The following MAD1L1 variants were observed in gnomAD, a reference collection of about 807,000 sequenced individuals.
MAD1L1 encodes the protein mitotic arrest deficient 1 like 1.
Under a neutral mutation model 96.9 loss-of-function variants are expected in MAD1L1, and 95 were observed. That is an observed-to-expected ratio of 0.98 (90% CI 0.83 to 1.16). The LOEUF (loss-of-function observed/expected upper bound fraction) is 1.16. MAD1L1 is among the 50% of genes most tolerant of loss of function. The pLI, the probability that MAD1L1 is intolerant of heterozygous loss-of-function variation, is 0.00. For synonymous variants in MAD1L1, 473 were observed against 396.6 expected, an observed-to-expected ratio of 1.19 and a Z score of -2.29; for missense variants, 1,007 against 954.4, an observed-to-expected ratio of 1.06 and a Z score of -0.73.
At chr7:2,062,524 G>A (rs779318030) in intron 12 of MAD1L1, among the ~76,000 whole-genome samples, 3 of 151,940 alleles carry the variant, frequency 2.0e-5, no homozygotes, top group Non-Finnish European at 4.4e-5. Flanking sequence ...GCAGTGAGCC[G>A]AGATCACGCG....
chr7:1,847,434 G>GT (rs1200429627), intron 18 of MAD1L1: 2 of 470,808 alleles, frequency 4.2e-6, no homozygotes, highest in South Asian at 3.1e-5. Flanking sequence ...GGAGACAGTG[G>GT]AGACCTCTAC....
intron 18 of MAD1L1, among the ~76,000 whole-genome samples, chr7:1,861,996 C>T (rs1784555913): frequency 6.6e-6 from 1 of 152,300 alleles, no homozygotes; most frequent in Admixed American, 6.5e-5. Context: ...AGAGCCCCAC[C>T]GCCATGCAGG....
chr7:2,123,283 C>T (rs536755801), intron 11 of MAD1L1, among the ~76,000 whole-genome samples: 41 of 142,584 alleles, frequency 2.9e-4, no homozygotes, highest in Admixed American at 1.0e-3. Flanking sequence ...CCAGCCTGGG[C>T]GACAGAGCGA....
intron 15 of MAD1L1, among the ~76,000 whole-genome samples, chr7:1,965,896 A>G (rs1336394348): frequency 6.6e-6 from 1 of 152,258 alleles, no homozygotes; most frequent in East Asian, 1.9e-4. Flanking sequence ...GAGACCCAGA[A>G]ACGTGAAAGG....
At chr7:2,125,687 C>T (rs1584383545) in intron 11 of MAD1L1, among the ~76,000 whole-genome samples, 2 of 152,152 alleles carry the variant, frequency 1.3e-5, no homozygotes, top group South Asian at 2.1e-4. Flanking sequence ...CAGAGGCAGG[C>T]GCCCAGACAC....
At chr7:2,207,077 C>CAAAAAA (rs201353849) in intron 10 of MAD1L1, among the ~76,000 whole-genome samples, 1 of 56,094 alleles carries the variant, frequency 1.8e-5, no homozygotes, top group Non-Finnish European at 3.7e-5. Flanking sequence ...GATTCCGTCT[C>CAAAAAA]AAAAAAAAAA....
intron 12 of MAD1L1, among the ~76,000 whole-genome samples, chr7:2,051,565 C>T (rs189213658): frequency 7.2e-5 from 11 of 152,258 alleles, no homozygotes; most frequent in Admixed American, 2.0e-4. Flanking sequence ...AGCCCAGGAA[C>T]GAGACATTGA....
chr7:2,154,002 A>G (rs1394462265), intron 10 of MAD1L1, among the ~76,000 whole-genome samples: 1 of 152,194 alleles, frequency 6.6e-6, no homozygotes, highest in Non-Finnish European at 1.5e-5. Flanking sequence ...CTAAAAATAC[A>G]AAAATTAGCC....
chr7:1,978,939 C>A (rs561753601), intron 15 of MAD1L1, among the ~76,000 whole-genome samples: 11 of 152,288 alleles, frequency 7.2e-5, no homozygotes, highest in African/African-American at 1.7e-4. Flanking sequence ...CCAGAGAGGG[C>A]GATGTGTAAG....
At chr7:1,933,419 G>T (rs1359891310) in intron 17 of MAD1L1, among the ~76,000 whole-genome samples, 1 of 152,170 alleles carries the variant, frequency 6.6e-6, no homozygotes, top group Non-Finnish European at 1.5e-5. Context: ...CGTGGCGGGG[G>T]TGTGCGATCC....
intron 18 of MAD1L1, among the ~76,000 whole-genome samples, chr7:1,865,800 C>T (rs1784751345): frequency 6.6e-6 from 1 of 150,868 alleles, no homozygotes; most frequent in Non-Finnish European, 1.5e-5. Flanking sequence ...ACAGCGACTG[C>T]TCTCTCTCTC....
At chr7:2,077,678 G>A (rs1172706890) in intron 11 of MAD1L1, among the ~76,000 whole-genome samples, 1 of 152,246 alleles carries the variant, frequency 6.6e-6, no homozygotes, top group Non-Finnish European at 1.5e-5. Context: ...GTGCCGTTCT[G>A]CAGGAGGCGC....
In MAD1L1 at chr7:2,216,231, C is replaced by G. The variant is rs750441796; in HGVS notation, c.735G>C (p.Met245Ile). 72 of 1,614,180 alleles carry G rather than the reference C, an allele frequency of 4.5e-5. No individual in the cohort carries two copies. Among genetic ancestry groups the G allele is most frequent in the Non-Finnish European group, 5.8e-5 (68 of 1,180,046 alleles). The change falls in exon 8 of 19, where the codon ATG becomes ATC. Residue 245 changes from methionine (M) to isoleucine (I), a missense_variant. Met to Ile is a conservative substitution (Grantham distance 10). Coordinates refer to ENST00000265854, the MANE Select transcript of MAD1L1 (RefSeq NM_001013836.2). ...TAGGGAGCCGTACCAGCTCAGACTTCATGTTCTTCACAATCGCTGCATCCT... is the reference window on the plus strand; with the variant it reads ...TAGGGAGCCGTACCAGCTCAGACTTGATGTTCTTCACAATCGCTGCATCCT... ...QEQDAAIVKN[M>I]KSELVRLPRL...
At chr7:1,827,889 C>G (rs1486018360) in intron 18 of MAD1L1, among the ~76,000 whole-genome samples, 1 of 152,172 alleles carries the variant, frequency 6.6e-6, no homozygotes, top group Non-Finnish European at 1.5e-5. Flanking sequence ...ACGTCAGCGG[C>G]CTCTGCGCCT....
At chr7:1,954,676 A>T (rs982770647) in intron 16 of MAD1L1, among the ~76,000 whole-genome samples, 2 of 152,170 alleles carry the variant, frequency 1.3e-5, no homozygotes, top group Non-Finnish European at 2.9e-5. Context: ...ACACTGCAAC[A>T]CGTTCAAGAC....
At chr7:1,864,125 G>A (rs1784661128) in intron 18 of MAD1L1, among the ~76,000 whole-genome samples, 2 of 152,244 alleles carry the variant, frequency 1.3e-5, no homozygotes, top group African/African-American at 2.4e-5. Context: ...GCGGCCCTGC[G>A]GAGGAATTCC....
intron 16 of MAD1L1, among the ~76,000 whole-genome samples, chr7:1,951,900 G>A (rs182161928): frequency 1.3e-5 from 2 of 152,322 alleles, no homozygotes; most frequent in African/African-American, 2.4e-5. Context: ...TGCTGTGAAC[G>A]TGGGTGCCCG....
chr7:2,006,663 C>A (rs762081059), intron 13 of MAD1L1, among the ~76,000 whole-genome samples: 6 of 151,162 alleles, frequency 4.0e-5, no homozygotes, highest in Non-Finnish European at 5.9e-5. Context: ...ACCCACACAG[C>A]CCAACACAGG....
rs548131806 is a variant in MAD1L1 at position 2,043,936 on chromosome 7, C to T, written c.1218+25258G>A. ...GCAGGAACAGGGTGTGGGTGGCGGC[C>T]GCGGGCTCGGACGTGACTCAAGCAC... On this transcript the variant is annotated intron_variant, in intron 12 of 18. Coordinates refer to ENST00000265854, the MANE Select transcript of MAD1L1 (RefSeq NM_001013836.2). 2.0e-5 allele frequency among the ~76,000 whole-genome samples: 3 copies of T among 152,296 alleles called. No homozygotes were observed. In the South Asian group the frequency reaches 6.2e-4, roughly 32 times the overall value.
Sources: gnomAD v4.1 joint callset for allele counts (sites outside exome capture counted in the v4.1 genomes callset) on GRCh38, gnomAD v4.1.1 for gene constraint, MANE v1.5 for transcripts, NCBI Gene and HGNC (gene_info 2026-07-23, HGNC 2026-07-21) for gene names.